The following SMYD3 variants were observed in gnomAD, a reference collection of about 807,000 sequenced individuals.
The protein encoded by SMYD3 is histone-lysine N-methyltransferase SMYD3.
In SMYD3, 36 loss-of-function variants were observed where a neutral mutation model predicts 57.7. The ratio of observed to expected loss-of-function variants is 0.62; its 90% confidence interval spans 0.48 to 0.82. SMYD3 has a LOEUF of 0.82. SMYD3 is among the 40% of genes least tolerant of loss of function. SMYD3 has a pLI of 0.00. For synonymous variants in SMYD3, 211 were observed against 195.0 expected (o/e 1.08, Z -0.68); for missense variants, 515 against 538.8 (o/e 0.96, Z 0.44).
At chr1:246,218,962 A>G (rs540101915) in intron 5 of SMYD3, among the ~76,000 whole-genome samples, 1 of 152,302 alleles carries the variant, frequency 6.6e-6, no homozygotes, top group South Asian at 2.1e-4. Flanking sequence ...CCAGGGATGT[A>G]GATCTCCATT....
chr1:246,288,119 G>A (rs1482622855), intron 5 of SMYD3, among the ~76,000 whole-genome samples: 1 of 126,240 alleles, frequency 7.9e-6, no homozygotes, highest in African/African-American at 3.1e-5. Flanking sequence ...TGTCACCCAG[G>A]CTGGAGTACA....
At chr1:246,062,931 C>T (rs2060277991) in intron 5 of SMYD3, among the ~76,000 whole-genome samples, 2 of 152,162 alleles carry the variant, frequency 1.3e-5, no homozygotes, top group South Asian at 4.1e-4. Flanking sequence ...AAGTGACTAC[C>T]TTGGAAAACT....
chr1:246,319,729 A>G (rs1017644505), intron 5 of SMYD3, among the ~76,000 whole-genome samples: 3 of 152,164 alleles, frequency 2.0e-5, no homozygotes, highest in Non-Finnish European at 4.4e-5. Flanking sequence ...ACCAACAACA[A>G]TGAAGTAACA....
chr1:246,417,085 C>G (rs1408494446), intron 1 of SMYD3, among the ~76,000 whole-genome samples: 1 of 152,140 alleles, frequency 6.6e-6, no homozygotes, highest in Non-Finnish European at 1.5e-5. Flanking sequence ...CAGTTCCTCC[C>G]TCAACTTCCC....
At chr1:246,288,062 C>CTTTTTTTTTTTTTTTTTTTTT (rs67603439) in intron 5 of SMYD3, among the ~76,000 whole-genome samples, 2 of 64,216 alleles carry the variant, frequency 3.1e-5, no homozygotes, top group African/African-American at 6.7e-5. Flanking sequence ...TCAGGTAATT[C>CTTTTTTTTTTTTTTTTTTTTT]TTTTTTTTTT....
chr1:246,442,574 G>C (rs932530985), intron 1 of SMYD3, among the ~76,000 whole-genome samples: 5 of 148,964 alleles, frequency 3.4e-5, no homozygotes, highest in Non-Finnish European at 7.5e-5. Flanking sequence ...AATAAAAAAA[G>C]ACTACTGAAA....
At chr1:245,798,473 TACAC>T (rs2047690404) in intron 10 of SMYD3, among the ~76,000 whole-genome samples, 1 of 17,968 alleles carries the variant, frequency 5.6e-5, no homozygotes. Context: ...TACACACACA[TACAC>T]AACACACCAC....
intron 5 of SMYD3, among the ~76,000 whole-genome samples, chr1:246,185,905 A>T (rs549052273): frequency 3.3e-5 from 5 of 152,230 alleles, no homozygotes; most frequent in Non-Finnish European, 7.3e-5. Flanking sequence ...ATGCCAATTC[A>T]CCTAAATATT....
At chr1:246,046,233 C>T (rs2059960806) in intron 5 of SMYD3, among the ~76,000 whole-genome samples, 2 of 152,104 alleles carry the variant, frequency 1.3e-5, no homozygotes, top group South Asian at 4.2e-4. Flanking sequence ...CCCAAATGTC[C>T]ATCAATGATA....
chr1:245,915,179 C>T (rs1203942326), intron 8 of SMYD3, among the ~76,000 whole-genome samples: 8 of 152,008 alleles, frequency 5.3e-5, no homozygotes, highest in East Asian at 3.9e-4. Flanking sequence ...TGTTGTTTAC[C>T]GAGCAATAAC....
chr1:246,186,382 G>C (rs1397654107), intron 5 of SMYD3, among the ~76,000 whole-genome samples: 2 of 151,280 alleles, frequency 1.3e-5, no homozygotes, highest in Non-Finnish European at 3.0e-5. Context: ...GCGCTTTACT[G>C]TCTATTTTCT....
At chr1:245,909,856 C>T (rs1328484690) in intron 8 of SMYD3, among the ~76,000 whole-genome samples, 2 of 152,070 alleles carry the variant, frequency 1.3e-5, no homozygotes, top group Non-Finnish European at 2.9e-5. Flanking sequence ...AAGCTAGCAT[C>T]ACACTTAATT....
At chr1:246,329,261 G>A (rs1222096159) in intron 4 of SMYD3, among the ~76,000 whole-genome samples, 1 of 152,114 alleles carries the variant, frequency 6.6e-6, no homozygotes, top group Non-Finnish European at 1.5e-5. Flanking sequence ...CTGAGGAATT[G>A]CCACACTGAC....
chr1:246,199,559 G>A (rs376375012), intron 5 of SMYD3, among the ~76,000 whole-genome samples: 16 of 152,286 alleles, frequency 1.1e-4, no homozygotes, highest in African/African-American at 3.6e-4. Flanking sequence ...AGCAGTTACA[G>A]GGCTCTAAAC....
At chr1:246,372,368 T>C (rs1215164086) in intron 1 of SMYD3, among the ~76,000 whole-genome samples, 1 of 152,140 alleles carries the variant, frequency 6.6e-6, no homozygotes, top group Non-Finnish European at 1.5e-5. Context: ...ATCTTTTTAT[T>C]CTATTTTTTT....
At chr1:246,367,990 G>C (rs2066135023) in intron 1 of SMYD3, among the ~76,000 whole-genome samples, 1 of 152,160 alleles carries the variant, frequency 6.6e-6, no homozygotes. Flanking sequence ...AAAATTCTTA[G>C]GTTACTCAGT....
At chr1:245,764,189 A>C (rs775698764) in intron 10 of SMYD3, 40 bp from the exon 11 acceptor site, 2 of 1,377,256 alleles carry the variant, frequency 1.5e-6, no homozygotes, top group Admixed American at 3.4e-5. Context: ...AGCAGCCCTC[A>C]CCTTTGCAGT....
intron 5 of SMYD3, among the ~76,000 whole-genome samples, chr1:245,931,733 G>A (rs1209852766): frequency 2.0e-5 from 3 of 152,116 alleles, no homozygotes; most frequent in East Asian, 1.9e-4. Context: ...AAGTGATGAC[G>A]AATTTCTCAA....
chr1:245,853,174 G>A (rs1348481934), intron 10 of SMYD3, among the ~76,000 whole-genome samples: 1 of 152,158 alleles, frequency 6.6e-6, no homozygotes, highest in Non-Finnish European at 1.5e-5. Context: ...AGTTCAGATA[G>A]TTATTTCTTC....
Sources: allele counts gnomAD v4.1 joint callset (sites outside exome capture counted in the v4.1 genomes callset), GRCh38; gene constraint gnomAD v4.1.1; transcripts MANE v1.5; gene names NCBI Gene and HGNC (gene_info 2026-07-23, HGNC 2026-07-21).